Variants in ANGPT2 observed in about 807,000 individuals in gnomAD.
ANGPT2 encodes angiopoietin-2.
Under a neutral mutation model 62.9 loss-of-function variants are expected in ANGPT2, and 28 were observed. That is an observed-to-expected ratio of 0.44 (90% CI 0.33 to 0.61). ANGPT2 has a LOEUF of 0.61. Ranked by LOEUF, ANGPT2 falls within the 20% of genes least tolerant of loss-of-function variation. The probability of loss-of-function intolerance (pLI) is 0.03; values close to 1 mark genes in which losing one functional copy is unlikely to be tolerated. For synonymous variants in ANGPT2, 284 were observed against 207.8 expected, an observed-to-expected ratio of 1.37 and a Z score of -3.15; for missense variants, 727 against 594.9, an observed-to-expected ratio of 1.22 and a Z score of -2.31.
At chr8:6,527,722 T>C in intron 2 of ANGPT2, 46 bp from the exon 3 acceptor site, 1 of 1,517,234 alleles carries the variant, frequency 6.6e-7, no homozygotes, top group Non-Finnish European at 8.9e-7. Flanking sequence ...TTTTAATTAG[T>C]TTAACTTTCT....
intron 1 of ANGPT2, among the ~76,000 whole-genome samples, chr8:6,560,162 T>C (rs932401841): frequency 6.6e-6 from 1 of 152,220 alleles, no homozygotes; most frequent in Non-Finnish European, 1.5e-5. Context: ...TTGTAGTGGG[T>C]TGTTTTTGAA....
chr8:6,538,395 G>A (rs551602401), intron 1 of ANGPT2, among the ~76,000 whole-genome samples: 1 of 152,334 alleles, frequency 6.6e-6, no homozygotes, highest in African/African-American at 2.4e-5. Context: ...CCCGCTGTCA[G>A]AGTCAGGAAT....
At chr8:6,511,689 C>G (rs1467210980) in intron 7 of ANGPT2, among the ~76,000 whole-genome samples, 1 of 152,118 alleles carries the variant, frequency 6.6e-6, no homozygotes, top group East Asian at 1.9e-4. Context: ...GATGTAATAT[C>G]TATTTTATCT....
At chr8:6,514,437 C>T (rs1342882136) in intron 6 of ANGPT2, among the ~76,000 whole-genome samples, 1 of 152,186 alleles carries the variant, frequency 6.6e-6, no homozygotes, top group Non-Finnish European at 1.5e-5. Context: ...AATCCATCTG[C>T]CTCGGCCTCC....
chr8:6,538,067 C>T (rs760353105), intron 1 of ANGPT2, among the ~76,000 whole-genome samples: 11 of 151,838 alleles, frequency 7.2e-5, no homozygotes, highest in East Asian at 3.9e-4. Context: ...ATTTCAATTT[C>T]GAAATAGGAT....
chr8:6,519,908 C>A lies in ANGPT2; in HGVS notation c.883G>T (p.Gly295Cys). 3 of 1,613,738 alleles carry A rather than the reference C, an allele frequency of 1.9e-6. No homozygotes were observed. The highest frequency in any genetic ancestry group is 1.7e-6 in the Non-Finnish European group (2 of 1,179,790). ...TTAGGGAATGTTAACGTGTAGATGCCATTCGTGGTGTGTCCTGATTTGAAT... is the reference window on the plus strand; with the variant it reads ...TTAGGGAATGTTAACGTGTAGATGCAATTCGTGGTGTGTCCTGATTTGAAT... ...EVFKSGHTTN[G>C]IYTLTFPNST... The change falls in exon 5 of 9, where the codon GGC becomes TGC. Residue 295 changes from glycine (G) to cysteine (C), a missense_variant. Transcript: ENST00000629816.
intron 1 of ANGPT2, among the ~76,000 whole-genome samples, chr8:6,542,618 T>G (rs1210782974): frequency 6.6e-6 from 1 of 151,908 alleles, no homozygotes; most frequent in Non-Finnish European, 1.5e-5. Context: ...AAAAGTGCTG[T>G]CTGAGGAGCA....
chr8:6,512,869 G>A (rs939216027), intron 7 of ANGPT2, among the ~76,000 whole-genome samples: 7 of 152,200 alleles, frequency 4.6e-5, no homozygotes, highest in Admixed American at 1.3e-4. Flanking sequence ...GTAGAGGAGA[G>A]CAGAGTTGAC....
intron 2 of ANGPT2, among the ~76,000 whole-genome samples, chr8:6,527,971 C>A (rs1461077292): frequency 4.7e-5 from 7 of 148,804 alleles, no homozygotes; most frequent in African/African-American, 1.7e-4. Flanking sequence ...TCTCGGCTCA[C>A]TGCAACCTCC....
chr8:6,541,024 C>T (rs535674283), intron 1 of ANGPT2, among the ~76,000 whole-genome samples: 6 of 127,482 alleles, frequency 4.7e-5, no homozygotes, highest in South Asian at 5.4e-4. Context: ...GCTGTGCTTG[C>T]GAGAGTGCCG....
At chr8:6,509,161 G>A (rs1254160940) in intron 7 of ANGPT2, 99 bp from the exon 8 acceptor site, 2 of 1,455,854 alleles carry the variant, frequency 1.4e-6, no homozygotes, top group East Asian at 2.3e-5. Context: ...ACAGAAGCGT[G>A]TTCTGTACTC....
At chr8:6,557,688 TACACACACAC>T (rs112788253) in intron 1 of ANGPT2, among the ~76,000 whole-genome samples, 11 of 148,692 alleles carry the variant, frequency 7.4e-5, no homozygotes, top group Admixed American at 2.0e-4. Context: ...TATGTGTGTG[TACACACACAC>T]ACACACACAC....
chr8:6,547,823 C>T (rs532010967), intron 1 of ANGPT2, among the ~76,000 whole-genome samples: 5 of 151,956 alleles, frequency 3.3e-5, no homozygotes, highest in South Asian at 2.1e-4. Flanking sequence ...AGAAGGGAGC[C>T]GTGGCAGAGG....
chr8:6,528,362 G>A (rs1160870375), intron 2 of ANGPT2, among the ~76,000 whole-genome samples: 3 of 152,194 alleles, frequency 2.0e-5, no homozygotes, highest in African/African-American at 4.8e-5. Flanking sequence ...TCCCTTTGCC[G>A]AAAACAAAAT....
Position 6,499,930 on chromosome 8 carries a change from G to GT in ANGPT2, c.*3170dup. 1 of 1,612,942 alleles carries GT rather than the reference G, an allele frequency of 6.2e-7. No homozygotes were observed. Among genetic ancestry groups the GT allele is most frequent in the Non-Finnish European group, 8.5e-7 (1 of 1,179,314 alleles). ...GTCTCACCACTTCCCTGCAGCTCCC[G>GT]TAAGTCAGATGTTGTTTTACGATGG... On this transcript the variant is annotated 3_prime_UTR_variant, in exon 9 of 9. Transcript: ENST00000629816.
intron 7 of ANGPT2, among the ~76,000 whole-genome samples, chr8:6,510,875 T>G (rs1814925498): frequency 6.6e-6 from 1 of 152,194 alleles, no homozygotes; most frequent in Non-Finnish European, 1.5e-5. Flanking sequence ...CATGTGAGTC[T>G]CAGTATTTTC....
chr8:6,542,272 T>C (rs2922869), intron 1 of ANGPT2, among the ~76,000 whole-genome samples: 61,552 of 151,906 alleles, frequency 0.41, 12,597 homozygotes, highest in African/African-American at 0.45. Context: ...CATACATTTG[T>C]CTACACATGT....
chr8:6,530,562 C>G (rs1337308705), intron 2 of ANGPT2, among the ~76,000 whole-genome samples: 2 of 79,058 alleles, frequency 2.5e-5, no homozygotes, highest in Non-Finnish European at 6.2e-5. Flanking sequence ...TACTTTTGGT[C>G]CAACCTAATA....
rs1470280273 is a variant in ANGPT2 at position 6,502,964 on chromosome 8, A to G, written c.*137T>C. 2 of 958,624 alleles carry G rather than the reference A, an allele frequency of 2.1e-6. No individual in the cohort carries two copies. Among genetic ancestry groups the G allele is most frequent in the Non-Finnish European group, 3.1e-6 (2 of 644,128 alleles). The allele number at this position is 958,624 out of a possible 1,614,324, so 59.4% of individuals were successfully genotyped here. The stretch of plus-strand genomic sequence containing the variant: ...ATAAAGTTTACAGGCTCTAATCTGG[A>G]GCATGTGGGTCCCGTCAGCACCGAG... On this transcript the variant is annotated 3_prime_UTR_variant, in exon 9 of 9. Coordinates refer to ENST00000629816, the MANE Select transcript of ANGPT2 (RefSeq NM_001118887.2).
Sources: gnomAD v4.1 joint callset for allele counts (sites outside exome capture counted in the v4.1 genomes callset) on GRCh38, gnomAD v4.1.1 for gene constraint, MANE v1.5 for transcripts, NCBI Gene and HGNC (gene_info 2026-07-23, HGNC 2026-07-21) for gene names.